MDGA2: variants seen among roughly 807,000 people sequenced by gnomAD.
The protein encoded by MDGA2 is MAM domain-containing glycosylphosphatidylinositol anchor protein 2.
MDGA2 carries 40 observed loss-of-function variants against 117.8 expected under a neutral mutation model. The ratio of observed to expected loss-of-function variants is 0.34; its 90% confidence interval spans 0.26 to 0.44. MDGA2 has a LOEUF of 0.44. Ranked by LOEUF, MDGA2 falls within the 20% of genes least tolerant of loss-of-function variation. The pLI, the probability that MDGA2 is intolerant of heterozygous loss-of-function variation, is 1.00. For missense variants in MDGA2, 1,123 were observed against 1,250.6 expected (o/e 0.90, Z 1.54); for synonymous variants, 452 against 439.0 (o/e 1.03, Z -0.37).
intron 10 of MDGA2, among the ~76,000 whole-genome samples, chr14:46,886,165 G>A (rs1882668710): frequency 6.6e-6 from 1 of 152,026 alleles, no homozygotes; most frequent in South Asian, 2.1e-4. Context: ...AGAGTAATTT[G>A]CATTAAAAGC....
chr14:47,437,619 G>A (rs1892924646), intron 1 of MDGA2, among the ~76,000 whole-genome samples: 2 of 152,114 alleles, frequency 1.3e-5, no homozygotes, highest in African/African-American at 2.4e-5. Flanking sequence ...GTAGAGTGGA[G>A]GCAACAAATG....
intron 1 of MDGA2, among the ~76,000 whole-genome samples, chr14:47,563,980 T>C (rs112151934): frequency 6.6e-6 from 1 of 152,200 alleles, no homozygotes; most frequent in African/African-American, 2.4e-5. Flanking sequence ...CACTTGCTTG[T>C]CTGAAAAGAA....
intron 8 of MDGA2, among the ~76,000 whole-genome samples, chr14:47,033,054 G>A (rs538111719): frequency 6.6e-6 from 1 of 152,092 alleles, no homozygotes. Context: ...TGTGTCTATC[G>A]GTATTTTTTA....
chr14:47,228,762 G>A (rs1182027050), intron 2 of MDGA2, among the ~76,000 whole-genome samples: 1 of 152,130 alleles, frequency 6.6e-6, no homozygotes, highest in African/African-American at 2.4e-5. Context: ...ATTGGGCAAA[G>A]TTTGGTGAAA....
intron 5 of MDGA2, among the ~76,000 whole-genome samples, chr14:47,119,368 C>T (rs1881533455): frequency 1.3e-5 from 2 of 152,060 alleles, no homozygotes; most frequent in African/African-American, 4.8e-5. Context: ...CCCGGCCCTA[C>T]ATATTCTTTA....
Position 46,929,599 on chromosome 14 carries a change from GTGTATATATA to G in MDGA2, c.2090-9449_2090-9440del, listed in dbSNP as rs1367962558. ...TATATACGTGTGTGTGTGTGTGTGTGTGTATATATATATATATATATATATATATATATAT... is the reference window on the plus strand; with the variant it reads ...TATATACGTGTGTGTGTGTGTGTGTGTATATATATATATATATATATATAT... On this transcript the variant is annotated intron_variant, in intron 9 of 16. Coordinates refer to ENST00000399232, the MANE Select transcript of MDGA2 (RefSeq NM_001113498.3). Among the ~76,000 whole-genome samples, 33 of 15,250 alleles carry G rather than the reference GTGTATATATA, an allele frequency of 2.2e-3. 1 individual carries two copies. Among genetic ancestry groups the G allele is most frequent in the Admixed American group, 3.5e-3 (3 of 850 alleles). The allele number at this position is 15,250 out of a possible 152,430, so 10.0% of individuals were successfully genotyped here.
chr14:46,888,417 T>A (rs1595022941), intron 10 of MDGA2, among the ~76,000 whole-genome samples: 1 of 151,968 alleles, frequency 6.6e-6, no homozygotes, highest in Admixed American at 6.6e-5. Flanking sequence ...ATGTCAATTT[T>A]AAAAATCCAT....
intron 1 of MDGA2, among the ~76,000 whole-genome samples, chr14:47,442,638 T>C (rs1281473238): frequency 6.6e-6 from 1 of 152,078 alleles, no homozygotes; most frequent in Non-Finnish European, 1.5e-5. Flanking sequence ...CATTAAATAG[T>C]GAGGCACAGC....
At position 46,884,964 on chromosome 14, in the gene MDGA2, G is replaced by A. The variant is rs897029919; in HGVS notation, c.2239-2743C>T. Among the ~76,000 whole-genome samples the A allele has an allele frequency of 2.0e-5, 3 of 151,102 alleles. No homozygotes were observed. Among genetic ancestry groups the A allele is most frequent in the African/African-American group, 7.3e-5 (3 of 41,060 alleles). ...AGGATTCAAGCAATTCTCCTGCCTC[G>A]GCCCCCTGAGTAAATGGAATTACAG... On this transcript the variant is annotated intron_variant, in intron 10 of 16. Transcript: ENST00000399232. The surrounding 1 kb of genome is among the most constrained non-coding windows in gnomAD (Gnocchi z 4.1).
At chr14:47,510,873 A>G (rs1410603641) in intron 1 of MDGA2, among the ~76,000 whole-genome samples, 1 of 152,208 alleles carries the variant, frequency 6.6e-6, no homozygotes, top group Admixed American at 6.5e-5. Flanking sequence ...TCAGCCCAGA[A>G]TGGGAGTGCT....
At chr14:47,167,391 T>C (rs1174870983) in intron 3 of MDGA2, among the ~76,000 whole-genome samples, 1 of 152,164 alleles carries the variant, frequency 6.6e-6, no homozygotes. Context: ...CTTCTCCTTA[T>C]AAAGGCTCTG....
intron 3 of MDGA2, among the ~76,000 whole-genome samples, chr14:47,184,026 A>G (rs543968884): frequency 6.6e-6 from 1 of 152,136 alleles, no homozygotes; most frequent in Admixed American, 6.6e-5. Context: ...TTCCCATGCA[A>G]TTTAGAGGAA....
At chr14:47,568,069 C>T (rs1895952211) in intron 1 of MDGA2, among the ~76,000 whole-genome samples, 1 of 151,990 alleles carries the variant, frequency 6.6e-6, no homozygotes, top group East Asian at 1.9e-4. Context: ...ACTGCTGGGG[C>T]CCTAATAATA....
At chr14:47,242,905 C>T (rs534944725) in intron 2 of MDGA2, among the ~76,000 whole-genome samples, 1 of 151,806 alleles carries the variant, frequency 6.6e-6, no homozygotes, top group Non-Finnish European at 1.5e-5. Context: ...CAGCTGGGCT[C>T]CTGAGTCTGG....
intron 10 of MDGA2, among the ~76,000 whole-genome samples, chr14:46,906,785 AG>A (rs899518592): frequency 6.6e-6 from 1 of 152,082 alleles, no homozygotes; most frequent in Non-Finnish European, 1.5e-5. Flanking sequence ...ACCATAATAG[AG>A]TCAATTACTC....
intron 4 of MDGA2, among the ~76,000 whole-genome samples, chr14:47,139,817 C>T (rs1882633078): frequency 7.0e-6 from 1 of 142,550 alleles, no homozygotes; most frequent in Non-Finnish European, 1.5e-5. Context: ...TATATATACA[C>T]ACATATATAT....
intron 10 of MDGA2, among the ~76,000 whole-genome samples, chr14:46,897,266 C>T (rs1883111391): frequency 6.6e-6 from 1 of 151,984 alleles, no homozygotes; most frequent in African/African-American, 2.4e-5. Flanking sequence ...ATTATTTTAA[C>T]TTATTATCAA....
At chr14:47,258,352 G>A (rs888744998) in intron 2 of MDGA2, among the ~76,000 whole-genome samples, 7 of 152,042 alleles carry the variant, frequency 4.6e-5, no homozygotes, top group Non-Finnish European at 8.8e-5. Flanking sequence ...GGTGGAAGGC[G>A]GAGAGGAAGG....
At chr14:47,130,848 G>A (rs1882167578) in intron 5 of MDGA2, among the ~76,000 whole-genome samples, 1 of 151,942 alleles carries the variant, frequency 6.6e-6, no homozygotes, top group Non-Finnish European at 1.5e-5. Flanking sequence ...TTGTTTAATG[G>A]GAAAAGGGTC....
Sources: allele counts gnomAD v4.1 joint callset (sites outside exome capture counted in the v4.1 genomes callset), GRCh38; gene constraint gnomAD v4.1.1; non-coding constraint Gnocchi (gnomAD v3.1); transcripts MANE v1.5; gene names NCBI Gene and HGNC (gene_info 2026-07-23, HGNC 2026-07-21).